The following NCR3LG1 variants were observed in gnomAD, a reference collection of about 807,000 sequenced individuals.
NCR3LG1 encodes the protein natural cytotoxicity triggering receptor 3 ligand 1.
Under a neutral mutation model 34.8 loss-of-function variants are expected in NCR3LG1, and 35 were observed. That is an observed-to-expected ratio of 1.01 (90% CI 0.77 to 1.33). NCR3LG1 has a LOEUF of 1.33. NCR3LG1 is among the 40% of genes most tolerant of loss of function. The pLI, the probability that NCR3LG1 is intolerant of heterozygous loss-of-function variation, is 0.00. For missense variants in NCR3LG1, 452 were observed against 423.3 expected (o/e 1.07, Z -0.60); for synonymous variants, 173 against 163.6 (o/e 1.06, Z -0.44).
In NCR3LG1 at chr11:17,372,475, C is replaced by T. The variant is rs1188564466; in HGVS notation, c.1328C>T (p.Ser443Phe). ...PATTSTTPVL[S>F]SQPPTLLLPL... is the part of the protein sequence containing the mutation. The stretch of plus-strand genomic sequence containing the variant: ...ACAACATCAACAACTCCAGTTCTAT[C>T]CTCCCAACCCCCAACTTTACTGTTA... Residue 443 changes from serine (S) to phenylalanine (F), a missense_variant, in exon 5 of 5, where the codon TCC becomes TTC. By Grantham distance (155) the Ser-to-Phe change is radical. Coordinates refer to ENST00000338965, the MANE Select transcript of NCR3LG1 (RefSeq NM_001202439.3). 1.4e-6 allele frequency: 1 copy of T among 702,016 alleles called. No homozygotes were observed. The highest frequency in any genetic ancestry group is 1.7e-5 in the African/African-American group (1 of 57,188). The allele number at this position is 702,016 out of a possible 1,614,324, so 43.5% of individuals were successfully genotyped here.
rs60164401 is a variant in NCR3LG1 at position 17,377,322 on chromosome 11, C to CAAAAAAAAAAA, written c.*4819_*4829dup. On this transcript the variant is annotated 3_prime_UTR_variant, in exon 5 of 5. Coordinates refer to ENST00000338965, the MANE Select transcript of NCR3LG1 (RefSeq NM_001202439.3). ...TGAAACCCCGTCTGTACTAATAATA[C>CAAAAAAAAAAA]AAAAAAAAAAAAAAAAAAAGCCAGG... 3.7e-5 allele frequency: 3 copies of CAAAAAAAAAAA among 80,304 alleles called. No individual in the cohort carries two copies. The highest frequency in any genetic ancestry group is 1.3e-4 in the Admixed American group (1 of 7,782). The allele number at this position is 80,304 out of a possible 1,614,324, so 5.0% of individuals were successfully genotyped here. A position where few individuals can be genotyped will look rare whatever the true frequency, so the allele number is the denominator to read the frequency against.
chr11:17,376,157 C>A lies in NCR3LG1; in HGVS notation c.*3645C>A, dbSNP rs950112968. The A allele has an allele frequency of 1.3e-5, 2 of 152,228 alleles. No individual in the cohort carries two copies. The highest frequency in any genetic ancestry group is 4.8e-5 in the African/African-American group (2 of 41,464). The allele number at this position is 152,228 out of a possible 1,614,324, so 9.4% of individuals were successfully genotyped here. ...GGATGGGAAGTTACTCAGGGGAGGA[C>A]TGGCAGATAGACTTCACCCATATGC... is the stretch of plus-strand genomic sequence containing the variant. On this transcript the variant is annotated 3_prime_UTR_variant, in exon 5 of 5. Coordinates refer to ENST00000338965, the MANE Select transcript of NCR3LG1 (RefSeq NM_001202439.3).
rs547279750 is a variant in NCR3LG1 at position 17,368,304 on chromosome 11, T to C, written c.761-563T>C. 2.6e-5 allele frequency among the ~76,000 whole-genome samples: 4 copies of C among 152,202 alleles called. No homozygotes were observed. In the East Asian group the frequency reaches 7.7e-4, roughly 29 times the overall value. On this transcript the variant is annotated intron_variant, in intron 3 of 4. Coordinates refer to ENST00000338965, the MANE Select transcript of NCR3LG1 (RefSeq NM_001202439.3). ...TTGGTCATAGCTCTGGTCTTGGGTG[T>C]GGGTGGCTCTGCTGGTAAAATGCAT... is the stretch of plus-strand genomic sequence containing the variant.
intron 3 of NCR3LG1, 76 bp downstream of exon 3, chr11:17,367,423 T>C (rs1953358480): frequency 8.2e-7 from 1 of 1,226,434 alleles, no homozygotes; most frequent in African/African-American, 1.5e-5. Context: ...CCACACAGCC[T>C]GGGTCTTAGC....
rs11024272 is a variant in NCR3LG1 at position 17,374,213 on chromosome 11, T to C, written c.*1701T>C. The C allele has an allele frequency of 0.49, 73,973 of 151,896 alleles. 18,740 individuals carry two copies. The highest frequency in any genetic ancestry group is 0.63 in the African/African-American group (25,940 of 41,396). The allele number at this position is 151,896 out of a possible 1,614,324, so 9.4% of individuals were successfully genotyped here. On this transcript the variant is annotated 3_prime_UTR_variant, in exon 5 of 5. Coordinates refer to ENST00000338965, the MANE Select transcript of NCR3LG1 (RefSeq NM_001202439.3). ...TCCCTATACTTTGCTAACTCAAATA[T>C]CCAAGGGAACTAAATGGTTCACAGT...
At chr11:17,354,741 TACATAGA>T (rs1953186525) in intron 1 of NCR3LG1, among the ~76,000 whole-genome samples, 1 of 152,158 alleles carries the variant, frequency 6.6e-6, no homozygotes, top group Non-Finnish European at 1.5e-5. Context: ...TTTGCTTTGA[TACATAGA>T]ACAGAAAGCT....
rs370996364 is a variant in NCR3LG1 at position 17,367,313 on chromosome 11, C to A, written c.726C>A (p.Asn242Lys). Residue 242 changes from asparagine to lysine, a missense_variant, in exon 3 of 5, where the codon AAC (asparagine) becomes AAA (lysine). Physicochemically the swap from Asn to Lys is moderately conservative, Grantham distance 94. Coordinates refer to ENST00000338965, the MANE Select transcript of NCR3LG1 (RefSeq NM_001202439.3). The part of the protein sequence containing the change: ...HASLHTPLRS[N>K]FTLTAARHSL... ...CCTTGCATACCCCCTTGAGGAGCAA[C>A]TTTACCCTGACTGCTGCTCGGCACA... The A allele has an allele frequency of 1.3e-6, 2 of 1,535,440 alleles. No homozygotes were observed.
At position 17,375,422 on chromosome 11, in the gene NCR3LG1, A is replaced by G. The variant is rs1053092689; in HGVS notation, c.*2910A>G. On this transcript the variant is annotated 3_prime_UTR_variant, in exon 5 of 5. Transcript: ENST00000338965. ...GTGGGATATGCAGTAGTCACCCTAAATAACATTGAAAATGTGCCTCTCTCA... is the reference window on the plus strand; with the variant it reads ...GTGGGATATGCAGTAGTCACCCTAAGTAACATTGAAAATGTGCCTCTCTCA... 1 of 152,192 alleles carries G rather than the reference A, an allele frequency of 6.6e-6. No homozygotes were observed. The highest frequency in any genetic ancestry group is 1.5e-5 in the Non-Finnish European group (1 of 68,034). 9.4% of individuals were successfully genotyped at this position (152,192 alleles called of 1,614,324 possible). A position where few individuals can be genotyped will look rare whatever the true frequency, so the allele number is the denominator to read the frequency against.
chr11:17,369,927 A>C (rs1953388392), intron 4 of NCR3LG1, among the ~76,000 whole-genome samples: 1 of 152,224 alleles, frequency 6.6e-6, no homozygotes, highest in Non-Finnish European at 1.5e-5. Flanking sequence ...GAACAGCCTG[A>C]AAAATCAAAC....
intron 2 of NCR3LG1, among the ~76,000 whole-genome samples, chr11:17,357,766 G>A (rs1163654826): frequency 6.6e-6 from 1 of 151,980 alleles, no homozygotes; most frequent in Admixed American, 6.5e-5. Context: ...GGAGAGCATG[G>A]CACAATCATA....
intron 2 of NCR3LG1, among the ~76,000 whole-genome samples, chr11:17,364,727 G>A (rs1297559870): frequency 1.3e-5 from 2 of 151,828 alleles, no homozygotes; most frequent in Non-Finnish European, 1.5e-5. Context: ...TGTATTTTTA[G>A]TAGAAATGGG....
chr11:17,359,961 G>A (rs571243382), intron 2 of NCR3LG1, among the ~76,000 whole-genome samples: 1 of 152,206 alleles, frequency 6.6e-6, no homozygotes, highest in South Asian at 2.1e-4. Context: ...GGTTGTCCAG[G>A]CTGGAGTGCA....
chr11:17,353,833 C>G (rs529856682), intron 1 of NCR3LG1, among the ~76,000 whole-genome samples: 1 of 152,316 alleles, frequency 6.6e-6, no homozygotes, highest in African/African-American at 2.4e-5. Flanking sequence ...GACTTTGGCA[C>G]CGGAAGAGAC....
chr11:17,367,817 T>C (rs1307818461), intron 3 of NCR3LG1, among the ~76,000 whole-genome samples: 1 of 144,014 alleles, frequency 6.9e-6, no homozygotes, highest in Non-Finnish European at 1.5e-5. Flanking sequence ...CTCAGTAGTC[T>C]TGTCTTTTTT....
intron 2 of NCR3LG1, among the ~76,000 whole-genome samples, chr11:17,359,453 G>A (rs935059893): frequency 3.3e-5 from 5 of 150,502 alleles, no homozygotes; most frequent in South Asian, 2.1e-4. Context: ...CCTGTACTCC[G>A]ATAAGAAACA....
chr11:17,356,667 G>A lies in NCR3LG1; in HGVS notation c.87G>A (p.Glu29=). The A allele has an allele frequency of 1.3e-6, 2 of 1,533,746 alleles. No individual in the cohort carries two copies. The highest frequency in any genetic ancestry group is 1.4e-5 in the African/African-American group (1 of 73,054). ...TTGCCACAGGTGATCTGAAAGTAGAGATGATGGCAGGGGGGACTCAGATCA... is the reference window on the plus strand; with the variant it reads ...TTGCCACAGGTGATCTGAAAGTAGAAATGATGGCAGGGGGGACTCAGATCA... The part of the protein sequence containing the change: ...ALTTEGDLKV[E]MMAGGTQITP... The change falls in exon 2 of 5, where the codon GAG becomes GAA. Residue 29 remains glutamate (E), a synonymous_variant. Coordinates refer to ENST00000338965, the MANE Select transcript of NCR3LG1 (RefSeq NM_001202439.3).
chr11:17,363,526 C>CCTT lies in NCR3LG1; in HGVS notation c.422-3482_422-3481insTTC, dbSNP rs1554898594. The stretch of plus-strand genomic sequence containing the variant: ...TCCCTCCCTCCCTCCCTCCCTCCCT[C>CCTT]CCTCCCTCCCTCCCTCCCTTCCTTC... On this transcript the variant is annotated intron_variant, in intron 2 of 4. Transcript: ENST00000338965. Among the ~76,000 whole-genome samples the CCTT allele has an allele frequency of 4.9e-3, 319 of 65,302 alleles. 4 individuals are homozygous for CCTT. Among genetic ancestry groups the CCTT allele is most frequent in the Non-Finnish European group, 6.1e-3 (219 of 35,648 alleles). The allele number at this position is 65,302 out of a possible 152,430, so 42.8% of individuals were successfully genotyped here.
intron 2 of NCR3LG1, among the ~76,000 whole-genome samples, chr11:17,365,544 G>A (rs1402697465): frequency 6.6e-6 from 1 of 152,184 alleles, no homozygotes; most frequent in Non-Finnish European, 1.5e-5. Context: ...GACAGCTGGA[G>A]TTGGCTAATT....
At chr11:17,362,723 TC>T in intron 2 of NCR3LG1, among the ~76,000 whole-genome samples, 1 of 106,642 alleles carries the variant, frequency 9.4e-6, no homozygotes, top group Non-Finnish European at 1.8e-5. Context: ...TTTCTTTCTT[TC>T]TTTCTTTCTT....
Sources: gnomAD v4.1 joint callset for allele counts (sites outside exome capture counted in the v4.1 genomes callset) on GRCh38, gnomAD v4.1.1 for gene constraint, MANE v1.5 for transcripts, NCBI Gene and HGNC (gene_info 2026-07-23, HGNC 2026-07-21) for gene names.